Variants in DST observed in about 807,000 individuals in gnomAD.
DST encodes the protein dystonin, also known as bullous pemphigoid antigen.
DST carries 253 observed loss-of-function variants against 875.2 expected under a neutral mutation model. The observed-to-expected ratio is 0.29, with a 90% CI of 0.26 to 0.32. The LOEUF (loss-of-function observed/expected upper bound fraction) is 0.32, where lower values mean the gene tolerates loss of function less well. Ranked by LOEUF, DST falls within the 10% of genes least tolerant of loss-of-function variation. DST has a pLI of 1.00. For missense variants in DST, 8,287 were observed against 9,111.6 expected (o/e 0.91, Z 3.68); for synonymous variants, 3,124 against 3,197.1 (o/e 0.98, Z 0.77).
At chr6:56,914,815 G>A (rs1800184469) in intron 2 of DST, among the ~76,000 whole-genome samples, 2 of 152,160 alleles carry the variant, frequency 1.3e-5, no homozygotes, top group African/African-American at 4.8e-5. Flanking sequence ...CAAAACACTG[G>A]GCAATATACA....
chr6:56,825,260 C>T (rs35753040), intron 4 of DST, among the ~76,000 whole-genome samples: 16,989 of 146,818 alleles, frequency 0.12, 1,307 homozygotes, highest in Non-Finnish European at 0.18. Flanking sequence ...GGATTAAGGG[C>T]GGTGCAAGAT....
intron 4 of DST, among the ~76,000 whole-genome samples, chr6:56,743,972 A>AC (rs2099558601): frequency 6.6e-6 from 1 of 151,972 alleles, no homozygotes; most frequent in African/African-American, 2.4e-5. Context: ...GCATGGTGAA[A>AC]CCCCATCTCT....
Position 56,606,128 on chromosome 6 carries a change from C to T in DST, c.8500G>A (p.Asp2834Asn), listed in dbSNP as rs1395326563. 4 of 1,612,708 alleles carry T rather than the reference C, an allele frequency of 2.5e-6. No individual in the cohort carries two copies. Among genetic ancestry groups the T allele is most frequent in the Non-Finnish European group, 2.5e-6 (3 of 1,179,202 alleles). Residue 2834 changes from aspartate to asparagine, a missense_variant, in exon 40 of 104, where the codon GAT (aspartate) becomes AAT (asparagine). Coordinates refer to ENST00000680361, the MANE Select transcript of DST (RefSeq NM_001374736.1). ...GAGGCACACAACTGGATATCCATAT[C>T]TTCAGCCACATTTTGGCACCTGGGC... Reference protein sequence around the residue: ...GKPRCQNVAEDMDIQLCASIL... With the variant: ...GKPRCQNVAENMDIQLCASIL...
At chr6:56,908,098 T>TACACACACAC (rs66523804) in intron 2 of DST, among the ~76,000 whole-genome samples, 2 of 150,486 alleles carry the variant, frequency 1.3e-5, no homozygotes, top group African/African-American at 4.9e-5. Context: ...TATATATATA[T>TACACACACAC]ACACACACAC....
At position 56,509,800 on chromosome 6, in the gene DST, A is replaced by G; in HGVS notation, c.18854T>C (p.Ile6285Thr). The G allele has an allele frequency of 6.2e-7, 1 of 1,613,548 alleles. No homozygotes were observed. The highest frequency in any genetic ancestry group is 8.5e-7 in the Non-Finnish European group (1 of 1,179,690). The change falls in exon 74 of 104, where the codon ATC (isoleucine) becomes ACC (threonine). Residue 6285 changes from isoleucine (I) to threonine (T), a missense_variant. Ile to Thr is a moderately conservative substitution (Grantham distance 89). Coordinates refer to ENST00000680361, the MANE Select transcript of DST (RefSeq NM_001374736.1). ...CTTGATCTTCTCAACCTCTGCAGAG[A>G]TAGAGGGTGGCTGCCTCAGACGTTC... ...IVERLRQPPS[I>T]SAEVEKIKEQ...
chr6:56,782,037 G>A (rs1427012801), intron 4 of DST, among the ~76,000 whole-genome samples: 9 of 151,980 alleles, frequency 5.9e-5, no homozygotes, highest in African/African-American at 9.7e-5. Flanking sequence ...ATTGATTTGC[G>A]TATATTGAAC....
chr6:56,796,723 C>A, intron 4 of DST, among the ~76,000 whole-genome samples: 1 of 149,360 alleles, frequency 6.7e-6, no homozygotes, highest in East Asian at 2.0e-4. Flanking sequence ...GATTAAAAAA[C>A]TAAATTTTAA....
chr6:56,843,188 C>G (rs757399981), intron 4 of DST: 1 of 1,508,030 alleles, frequency 6.6e-7, no homozygotes, highest in East Asian at 2.4e-5. Context: ...TCCCCTCTCC[C>G]CCTCGTAACC....
chr6:56,606,873 G>A lies in DST; in HGVS notation c.7755C>T (p.Ile2585=). The A allele has an allele frequency of 6.2e-7, 1 of 1,613,322 alleles. No homozygotes were observed. The highest frequency in any genetic ancestry group is 8.5e-7 in the Non-Finnish European group (1 of 1,179,576). Residue 2585 remains isoleucine, a synonymous_variant, in exon 40 of 104, where the codon ATC becomes ATT. Coordinates refer to ENST00000680361, the MANE Select transcript of DST (RefSeq NM_001374736.1). ...GTGACGTTTCATAGTCACTAGCACT[G>A]ATGGTTTCATCAAGCAATGGTGTAG... ...TCATPLLDET[I]SASDYETSLL...
At chr6:56,716,020 T>C (rs549199407) in intron 5 of DST, among the ~76,000 whole-genome samples, 13 of 152,326 alleles carry the variant, frequency 8.5e-5, no homozygotes, top group African/African-American at 2.6e-4. Context: ...TTTTCTCCTA[T>C]GAATCTGTCT....
chr6:56,509,552 G>T, intron 74 of DST, 90 bp downstream of exon 74: 1 of 940,940 alleles, frequency 1.1e-6, no homozygotes, highest in Non-Finnish European at 1.6e-6. Context: ...TTTTTAAGAT[G>T]CGGCATTTTG....
At chr6:56,871,603 C>A in intron 3 of DST, 1 of 783,964 alleles carries the variant, frequency 1.3e-6, no homozygotes, top group South Asian at 1.3e-5. Flanking sequence ...TGGATTAACC[C>A]ATACATGAGC....
intron 5 of DST, among the ~76,000 whole-genome samples, chr6:56,725,309 C>T (rs1009353426): frequency 6.6e-6 from 1 of 152,204 alleles, no homozygotes; most frequent in Non-Finnish European, 1.5e-5. Flanking sequence ...ACCCTGTTGA[C>T]CTTCCTATGC....
intron 60 of DST, 56 bp downstream of exon 60, chr6:56,555,289 G>A: frequency 6.6e-7 from 1 of 1,507,666 alleles, no homozygotes. Context: ...TTGGAAATAG[G>A]CAATATATGA....
Position 56,598,541 on chromosome 6 carries a change from C to T in DST, c.11863G>A (p.Ala3955Thr), listed in dbSNP as rs751130956. 3 of 1,608,540 alleles carry T rather than the reference C, an allele frequency of 1.9e-6. No homozygotes were observed. The South Asian group carries it at 3.3e-5, about 18-fold the overall frequency. ...KIKCEQLNLK[A>T]EQSKKELDKV... ...TCCAGCTCCTTTTTAGACTGTTCTG[C>T]TTTTAAATTAAGCTGTTCACACTTT... Residue 3955 changes from alanine to threonine, a missense_variant, in exon 46 of 104, where the codon GCA (alanine) becomes ACA (threonine). Physicochemically the swap from Ala to Thr is moderately conservative, Grantham distance 58. Around this residue, in one of 10 missense-constraint regions of DST, gnomAD observed 1,513 missense variants for 1,677.8 expected, o/e 0.90. Coordinates refer to ENST00000680361, the MANE Select transcript of DST (RefSeq NM_001374736.1).
At chr6:56,950,935 A>G (rs1049704618) in intron 2 of DST, among the ~76,000 whole-genome samples, 1 of 152,196 alleles carries the variant, frequency 6.6e-6, no homozygotes, top group Non-Finnish European at 1.5e-5. Context: ...AACTGAAAAA[A>G]TGTGTTTATT....
intron 2 of DST, among the ~76,000 whole-genome samples, chr6:56,947,180 G>T (rs186916215): frequency 4.6e-4 from 70 of 151,608 alleles, no homozygotes; most frequent in African/African-American, 1.6e-3. Flanking sequence ...CTGGGTGAAA[G>T]AAGAGTGATT....
chr6:56,817,778 T>A (rs2099768307), intron 4 of DST, among the ~76,000 whole-genome samples: 1 of 152,192 alleles, frequency 6.6e-6, no homozygotes, highest in Non-Finnish European at 1.5e-5. Flanking sequence ...TAAAAATTTC[T>A]GTGGCAAGCA....
At chr6:56,487,542 C>G (rs1351070553) in intron 86 of DST, among the ~76,000 whole-genome samples, 2 of 152,100 alleles carry the variant, frequency 1.3e-5, no homozygotes, top group Non-Finnish European at 2.9e-5. Context: ...TGATCTTGTC[C>G]TATTGTAAGC....
Sources: allele counts gnomAD v4.1 joint callset (sites outside exome capture counted in the v4.1 genomes callset), GRCh38; gene constraint gnomAD v4.1.1; regional missense constraint gnomAD v4.1.1; transcripts MANE v1.5; gene names NCBI Gene and HGNC (gene_info 2026-07-23, HGNC 2026-07-21).